UBR4: variants seen among roughly 807,000 people sequenced by gnomAD.
UBR4 encodes E3 ubiquitin-protein ligase UBR4.
A neutral mutation model predicts 575.6 loss-of-function variants in UBR4; 124 were observed. That is an observed-to-expected ratio of 0.22 (90% confidence interval 0.19 to 0.25). The LOEUF (loss-of-function observed/expected upper bound fraction) is 0.25. UBR4 is among the 10% of genes least tolerant of loss of function. UBR4 has a pLI of 1.00. For synonymous variants in UBR4, 2,455 were observed against 2,473.7 expected (o/e 0.99, Z 0.22); for missense variants, 4,818 against 6,478.8 (o/e 0.74, Z 8.80).
chr1:19,144,740 T>A (rs747134597), intron 54 of UBR4, 46 bp downstream of exon 54: 1 of 1,572,636 alleles, frequency 6.4e-7, no homozygotes, highest in African/African-American at 1.4e-5. Context: ...ATTTTCCAGA[T>A]ATTCCCTGGC....
At chr1:19,082,075 G>A (rs1354040876) in intron 102 of UBR4, 1 of 409,660 alleles carries the variant, frequency 2.4e-6, no homozygotes, top group Middle Eastern at 6.4e-4. Context: ...TGCACTAAAT[G>A]TGCATGTGGT....
At chr1:19,116,644 CTG>C (rs996132868) in intron 73 of UBR4, among the ~76,000 whole-genome samples, 5 of 152,232 alleles carry the variant, frequency 3.3e-5, no homozygotes, top group Non-Finnish European at 7.3e-5. Flanking sequence ...CGATCTGTCT[CTG>C]TGAAAGTCAA....
chr1:19,134,891 G>A (rs2083019251), intron 60 of UBR4, among the ~76,000 whole-genome samples: 1 of 152,086 alleles, frequency 6.6e-6, no homozygotes, highest in Admixed American at 6.5e-5. Flanking sequence ...CTACCTAACT[G>A]AAATCTTAAT....
intron 38 of UBR4, among the ~76,000 whole-genome samples, 187 bp downstream of exon 38, chr1:19,160,730 C>T (rs552252790): frequency 6.6e-6 from 1 of 152,328 alleles, no homozygotes; most frequent in Non-Finnish European, 1.5e-5. Flanking sequence ...CCCCATAATA[C>T]TCCTAATAGT....
chr1:19,145,164 A>G (rs1190273190), intron 53 of UBR4, among the ~76,000 whole-genome samples: 2 of 152,116 alleles, frequency 1.3e-5, no homozygotes, highest in African/African-American at 4.8e-5. Context: ...GTAGCTGTCC[A>G]CTCTCTCTGG....
intron 102 of UBR4, chr1:19,081,877 C>T (rs1019687591): frequency 7.9e-6 from 5 of 628,980 alleles, no homozygotes; most frequent in Non-Finnish European, 1.5e-5. Context: ...ATATCAGGGA[C>T]GTTCACAATC....
At chr1:19,091,979 A>C (rs2077558542) in intron 97 of UBR4, among the ~76,000 whole-genome samples, 1 of 152,176 alleles carries the variant, frequency 6.6e-6, no homozygotes, top group Admixed American at 6.5e-5. Flanking sequence ...ATGCTGAGAA[A>C]AAAAAAAAAG....
At chr1:19,156,199 T>G (rs2086429825) in intron 42 of UBR4, 72 bp downstream of exon 42, 1 of 1,575,684 alleles carries the variant, frequency 6.3e-7, no homozygotes, top group Non-Finnish European at 8.6e-7. Context: ...TGGGAGAAGC[T>G]AGCACATAGT....
At position 19,153,228 on chromosome 1, in the gene UBR4, A is replaced by G; in HGVS notation, c.6832+73T>C. On this transcript the variant is annotated intron_variant, in intron 46 of 105. Coordinates refer to ENST00000375254, the MANE Select transcript of UBR4 (RefSeq NM_020765.3). This position sits in a 1 kb window ranked among gnomAD's most constrained non-coding sequence, Gnocchi z 4.1. ...ACATTTCTTCACAGATATTTTCAACAGTCTATTCTGAGTCACTGTCTAGAA... is the reference window on the plus strand; with the variant it reads ...ACATTTCTTCACAGATATTTTCAACGGTCTATTCTGAGTCACTGTCTAGAA... 6.8e-7 allele frequency: 1 copy of G among 1,470,002 alleles called. No homozygotes were observed. The highest frequency in any genetic ancestry group is 9.5e-7 in the Non-Finnish European group (1 of 1,057,060). The allele number at this position is 1,470,002 out of a possible 1,614,324, so 91.1% of individuals were successfully genotyped here.
chr1:19,172,762 C>A, intron 25 of UBR4, 102 bp downstream of exon 25: 1 of 1,230,482 alleles, frequency 8.1e-7, no homozygotes, highest in Non-Finnish European at 1.2e-6. Flanking sequence ...GGAAAAAAAC[C>A]CCTAAGCTGA....
At position 19,077,054 on chromosome 1, in the gene UBR4, G is replaced by A. The variant is rs2076014811; in HGVS notation, c.15325-152C>T. On this transcript the variant is annotated intron_variant, in intron 104 of 105. Transcript: ENST00000375254. The stretch of plus-strand genomic sequence containing the variant: ...ACAGGCACCCTAGAGCGTGCGTTTT[G>A]TCTCCAGGAACGACACAATTTCACT... 23 of 757,868 alleles carry A rather than the reference G, an allele frequency of 3.0e-5. 1 individual carries two copies. The South Asian group carries it at 4.6e-4, about 15-fold the overall frequency. The allele number at this position is 757,868 out of a possible 1,614,324, so 46.9% of individuals were successfully genotyped here. A position where few individuals can be genotyped will look rare whatever the true frequency, so the allele number is the denominator to read the frequency against.
chr1:19,173,196 T>G lies in UBR4; in HGVS notation c.3276A>C (p.Glu1092Asp). ...TATTACATACCTGTCGAGCGAAGTA[T>G]TCCTCTACTATTTCAACATCATATT... ...SVKYDVEIVE[E>D]YFARQISSFC... Residue 1092 changes from glutamate to aspartate, a missense_variant, in exon 24 of 106, where the codon GAA becomes GAC. Physicochemically the swap from Glu to Asp is conservative, Grantham distance 45. Around this residue, in one of 29 missense-constraint regions of UBR4, gnomAD observed 1,172 missense variants for 1,259.7 expected, o/e 0.93. Transcript: ENST00000375254. 1.9e-6 allele frequency: 3 copies of G among 1,614,202 alleles called. No individual in the cohort carries two copies. The highest frequency in any genetic ancestry group is 2.5e-6 in the Non-Finnish European group (3 of 1,180,016).
intron 11 of UBR4, among the ~76,000 whole-genome samples, chr1:19,191,743 C>T (rs2092101264): frequency 6.6e-6 from 1 of 152,120 alleles, no homozygotes; most frequent in African/African-American, 2.4e-5. Flanking sequence ...GAAACCTGAA[C>T]AGTACATTGG....
intron 60 of UBR4, among the ~76,000 whole-genome samples, chr1:19,131,255 A>T (rs934156842): frequency 1.8e-4 from 27 of 150,272 alleles, no homozygotes; most frequent in East Asian, 5.8e-4. Context: ...AAAAAAAAAA[A>T]AAAAAAAAAA....
In UBR4 at chr1:19,173,456, A is replaced by G; in HGVS notation, c.3148T>C (p.Tyr1050His). The G allele has an allele frequency of 1.9e-6, 3 of 1,614,178 alleles. No individual in the cohort carries two copies. The highest frequency in any genetic ancestry group is 2.5e-6 in the Non-Finnish European group (3 of 1,180,004). Residue 1050 changes from tyrosine to histidine, a missense_variant, in exon 23 of 106, where the codon TAT becomes CAT. This residue lies in a region of UBR4 where 1,172 missense variants were observed against 1,259.7 expected (regional missense o/e 0.93). Transcript: ENST00000375254. ...TGTGTTACCTTTATCCAGTTGACATAGGAGCTGATCCGGAGCCGAGAAGAC... is the reference window on the plus strand; with the variant it reads ...TGTGTTACCTTTATCCAGTTGACATGGGAGCTGATCCGGAGCCGAGAAGAC... Reference protein sequence around the residue: ...RWSSRLRISSYVNWIKDHLIK... With the variant: ...RWSSRLRISSHVNWIKDHLIK...
chr1:19,074,955 T>C (rs1233783271), intron 105 of UBR4, 59 bp from the exon 106 acceptor site: 13 of 1,574,824 alleles, frequency 8.3e-6, no homozygotes, highest in African/African-American at 2.7e-5. Flanking sequence ...CCATTCCCCC[T>C]GAGTCACAGC....
chr1:19,098,605 G>A (rs1449111488), intron 90 of UBR4, among the ~76,000 whole-genome samples: 1 of 152,070 alleles, frequency 6.6e-6, no homozygotes, highest in Admixed American at 6.5e-5. Flanking sequence ...GTACTGGCTG[G>A]GACAGTTCTC....
intron 55 of UBR4, 119 bp from the exon 56 acceptor site, chr1:19,141,896 T>C: frequency 7.0e-7 from 1 of 1,429,360 alleles, no homozygotes; most frequent in South Asian, 1.3e-5. Context: ...CCCTGGGCTT[T>C]AGCGGGAGAA....
chr1:19,187,285 C>A lies in UBR4; in HGVS notation c.1511G>T (p.Gly504Val). The A allele has an allele frequency of 6.2e-7, 1 of 1,613,512 alleles. No individual in the cohort carries two copies. The highest frequency in any genetic ancestry group is 8.5e-7 in the Non-Finnish European group (1 of 1,179,670). The change falls in exon 13 of 106, where the codon GGC (glycine) becomes GTC (valine). Residue 504 changes from glycine (G) to valine (V), a missense_variant. Physicochemically the swap from Gly to Val is moderately radical, Grantham distance 109 (BLOSUM62 -3). Transcript: ENST00000375254. The stretch of plus-strand genomic sequence containing the variant: ...CATAATGCTCAAGGCTGCAGGGGGG[C>A]CATCTGTCTCCCAACCCTGAAGGCA... ...EALHKGWETDGPPAALSIMAQ... is the reference protein window; with the variant it reads ...EALHKGWETDVPPAALSIMAQ...
Sources: allele counts gnomAD v4.1 joint callset (sites outside exome capture counted in the v4.1 genomes callset), GRCh38; gene constraint gnomAD v4.1.1; regional missense constraint gnomAD v4.1.1; non-coding constraint Gnocchi (gnomAD v3.1); transcripts MANE v1.5; gene names NCBI Gene and HGNC (gene_info 2026-07-23, HGNC 2026-07-21).